Variants in CYP3A5 observed in about 807,000 individuals in gnomAD.
CYP3A5 encodes the protein cytochrome P450 3A5.
A neutral mutation model predicts 55.9 loss-of-function variants in CYP3A5; 51 were observed. The observed-to-expected ratio is 0.91, with a 90% CI of 0.73 to 1.15. CYP3A5 has a LOEUF of 1.15. Ranked by LOEUF, CYP3A5 falls within the 50% of genes most tolerant of loss-of-function variation. CYP3A5 has a pLI of 0.00. For synonymous variants in CYP3A5, 196 were observed against 213.9 expected, an observed-to-expected ratio of 0.92 and a Z score of 0.73; for missense variants, 533 against 596.6, an observed-to-expected ratio of 0.89 and a Z score of 1.11.
chr7:99,652,418 A>T, intron 11 of CYP3A5, 135 bp downstream of exon 11: 2 of 628,144 alleles, frequency 3.2e-6, no homozygotes, highest in East Asian at 2.8e-5. Context: ...TTTGATAATT[A>T]TCACTTTTTT....
At chr7:99,650,970 T>A (rs1809122509) in intron 11 of CYP3A5, among the ~76,000 whole-genome samples, 1 of 152,206 alleles carries the variant, frequency 6.6e-6, no homozygotes, top group Non-Finnish European at 1.5e-5. Flanking sequence ...AAATATTTGA[T>A]TATATTAAGG....
At chr7:99,676,319 G>T (rs115267978) in intron 1 of CYP3A5, 111 bp from the exon 2 acceptor site, 1 of 1,569,158 alleles carries the variant, frequency 6.4e-7, no homozygotes, top group African/African-American at 1.4e-5. Context: ...ATATGTACAC[G>T]ATAAATAATA....
rs375542125 is a variant in CYP3A5, at chr7:99,650,251, A to G, written c.1254-19T>C. On this transcript the variant is annotated intron_variant, in intron 11 of 12. Coordinates refer to ENST00000222982, the MANE Select transcript of CYP3A5 (RefSeq NM_000777.5). ...ACTGAACCTAGTTCCATATTGGTAG[A>G]TTAAATAGTTAATGAAACATAAAAA... The G allele has an allele frequency of 3.7e-6, 6 of 1,607,766 alleles. No individual in the cohort carries two copies. In the African/African-American group the frequency reaches 6.7e-5, roughly 18 times the overall value.
chr7:99,660,653 G>C lies in CYP3A5; in HGVS notation c.872C>G (p.Ser291Cys). ...TGACTGGGCTGCGAGCTCCAGATCA[G>C]ACAGAGCTGAAAGGAGAGGAAAGAC... is the stretch of plus-strand genomic sequence containing the variant. ...SKETESHKALSDLELAAQSII... is the reference protein window; with the variant it reads ...SKETESHKALCDLELAAQSII... The change falls in exon 10 of 13, where the codon TCT becomes TGT. Residue 291 changes from serine (S) to cysteine (C), a missense_variant. By Grantham distance (112) the Ser-to-Cys change is moderately radical. Coordinates refer to ENST00000222982, the MANE Select transcript of CYP3A5 (RefSeq NM_000777.5). The C allele has an allele frequency of 6.2e-7, 1 of 1,613,806 alleles. No individual in the cohort carries two copies. Among genetic ancestry groups the C allele is most frequent in the Non-Finnish European group, 8.5e-7 (1 of 1,179,820 alleles).
chr7:99,665,455 A>G (rs111478097), intron 6 of CYP3A5, 141 bp from the exon 7 acceptor site: 53 of 1,256,058 alleles, frequency 4.2e-5, no homozygotes, highest in African/African-American at 4.2e-4. Flanking sequence ...ATCATCTTCC[A>G]TCTACTCCCT....
chr7:99,651,974 A>C (rs1367025517), intron 11 of CYP3A5, among the ~76,000 whole-genome samples: 1 of 152,070 alleles, frequency 6.6e-6, no homozygotes, highest in Non-Finnish European at 1.5e-5. Flanking sequence ...CTCAGCCTGC[A>C]CTCTTATAAT....
intron 4 of CYP3A5, chr7:99,671,433 G>C (rs932291521): frequency 5.1e-6 from 1 of 194,354 alleles, no homozygotes; most frequent in African/African-American, 2.4e-5. Context: ...GGTATTAGTG[G>C]AGGAGTAAAC....
Position 99,648,318 on chromosome 7 carries a change from A to G in CYP3A5, c.1496T>C (p.Leu499Pro), listed in dbSNP as rs1278901170. 3.7e-6 allele frequency: 6 copies of G among 1,612,936 alleles called. No individual in the cohort carries two copies. The highest frequency in any genetic ancestry group is 5.1e-6 in the Non-Finnish European group (6 of 1,179,264). ...CCTTAGAATAACTCATTCTCCACTT[A>G]GGGTTCCATCTCTTGAATCCACCTT... is the stretch of plus-strand genomic sequence containing the variant. ...VLKVDSRDGT[L>P]SGE The change falls in exon 13 of 13, where the codon CTA becomes CCA. Residue 499 changes from leucine to proline, a missense_variant. By Grantham distance (98) the Leu-to-Pro change is moderately conservative. Coordinates refer to ENST00000222982, the MANE Select transcript of CYP3A5 (RefSeq NM_000777.5).
chr7:99,666,782 A>G, intron 5 of CYP3A5, 93 bp from the exon 6 acceptor site: 1 of 1,602,276 alleles, frequency 6.2e-7, no homozygotes, highest in Non-Finnish European at 8.5e-7. Context: ...AGTAAGTGAC[A>G]TTTTGTAATG....
chr7:99,655,549 C>T (rs1366806842), intron 10 of CYP3A5, among the ~76,000 whole-genome samples: 1 of 152,166 alleles, frequency 6.6e-6, no homozygotes, highest in Non-Finnish European at 1.5e-5. Flanking sequence ...TTAGGATTGA[C>T]TTGGCAATGC....
intron 1 of CYP3A5, among the ~76,000 whole-genome samples, chr7:99,679,443 T>A (rs1214767257): frequency 6.6e-6 from 1 of 152,112 alleles, no homozygotes; most frequent in Admixed American, 6.6e-5. Flanking sequence ...AGCCACTCCT[T>A]CCTGTACCCA....
chr7:99,660,378 A>G (rs1384876719), intron 10 of CYP3A5, 121 bp downstream of exon 10: 18 of 1,466,922 alleles, frequency 1.2e-5, no homozygotes, highest in Non-Finnish European at 1.4e-5. Context: ...GGCTTCCTAC[A>G]TTATGTCAGT....
intron 10 of CYP3A5, among the ~76,000 whole-genome samples, chr7:99,658,175 C>T (rs1809974417): frequency 1.3e-5 from 2 of 152,130 alleles, no homozygotes; most frequent in Admixed American, 6.5e-5. Flanking sequence ...TCTCCTTAGC[C>T]TCGATGGTCT....
intron 10 of CYP3A5, among the ~76,000 whole-genome samples, chr7:99,656,845 C>G (rs1230669261): frequency 1.3e-5 from 2 of 152,144 alleles, no homozygotes; most frequent in Non-Finnish European, 2.9e-5. Flanking sequence ...TCCATTTCTT[C>G]TAGATTTTCT....
chr7:99,655,694 A>T lies in CYP3A5; in HGVS notation c.1027-2915T>A, dbSNP rs542632939. On this transcript the variant is annotated intron_variant, in intron 10 of 12. Transcript: ENST00000222982. ...CAGTATGGCCATTTTCATGATATTGATTCTTCCTACCCATGAGCATGGAAT... is the reference window on the plus strand; with the variant it reads ...CAGTATGGCCATTTTCATGATATTGTTTCTTCCTACCCATGAGCATGGAAT... Among the ~76,000 whole-genome samples, 4 of 152,268 alleles carry T rather than the reference A, an allele frequency of 2.6e-5. No homozygotes were observed. In the East Asian group the frequency reaches 7.7e-4, roughly 29 times the overall value.
chr7:99,677,278 C>T, intron 1 of CYP3A5: 2 of 983,328 alleles, frequency 2.0e-6, no homozygotes, highest in Non-Finnish European at 2.4e-6. Context: ...GGTTGCCAGA[C>T]ACTGATTCAG....
In CYP3A5 at chr7:99,672,568, A is replaced by G. The variant is rs1319743038; in HGVS notation, c.318+12T>C. 1 of 1,605,270 alleles carries G rather than the reference A, an allele frequency of 6.2e-7. No homozygotes were observed. Among genetic ancestry groups the G allele is most frequent in the East Asian group, 2.2e-5 (1 of 44,834 alleles). On this transcript the variant is annotated intron_variant, in intron 4 of 12. Transcript: ENST00000222982. Reference sequence around the variant, plus strand: ...TCAATCATTATTTAAATTTCAAAAAATGGATGCTTACCCTTCGATTTGTGA... The same window carrying G: ...TCAATCATTATTTAAATTTCAAAAAGTGGATGCTTACCCTTCGATTTGTGA...
chr7:99,649,309 T>C (rs531064080), intron 12 of CYP3A5, among the ~76,000 whole-genome samples: 1 of 152,120 alleles, frequency 6.6e-6, no homozygotes, highest in African/African-American at 2.4e-5. Context: ...GCACAAAGTG[T>C]ACTTAAGGGG....
intron 7 of CYP3A5, 131 bp from the exon 8 acceptor site, chr7:99,664,226 T>C (rs1266331555): frequency 1.2e-6 from 1 of 849,208 alleles, no homozygotes; most frequent in Admixed American, 2.8e-5. Flanking sequence ...ATTCCTTTTA[T>C]CATGTTTGCC....
Sources: allele counts gnomAD v4.1 joint callset (sites outside exome capture counted in the v4.1 genomes callset), GRCh38; gene constraint gnomAD v4.1.1; transcripts MANE v1.5; gene names NCBI Gene and HGNC (gene_info 2026-07-23, HGNC 2026-07-21).